OPCML: variants seen among roughly 807,000 people sequenced by gnomAD.
OPCML encodes opioid binding protein/cell adhesion molecule like.
In OPCML, 13 loss-of-function variants were observed where a neutral mutation model predicts 37.8. That is an observed-to-expected ratio of 0.34 (90% confidence interval 0.22 to 0.55). The LOEUF (loss-of-function observed/expected upper bound fraction) is 0.55, where lower values mean the gene tolerates loss of function less well. OPCML is among the 20% of genes least tolerant of loss of function. The pLI, the probability that OPCML is intolerant of heterozygous loss-of-function variation, is 0.91. For synonymous variants in OPCML, 176 were observed against 168.8 expected, an observed-to-expected ratio of 1.04 and a Z score of -0.33; for missense variants, 341 against 435.6, an observed-to-expected ratio of 0.78 and a Z score of 1.93.
chr11:132,841,197 G>A (rs192913493), intron 2 of OPCML, among the ~76,000 whole-genome samples: 20 of 152,296 alleles, frequency 1.3e-4, no homozygotes, highest in African/African-American at 4.6e-4. Flanking sequence ...CTGTGCTAGG[G>A]TGAGAGTACT....
chr11:133,491,552 A>G (rs1947659160), intron 1 of OPCML, among the ~76,000 whole-genome samples: 1 of 152,066 alleles, frequency 6.6e-6, no homozygotes, highest in Non-Finnish European at 1.5e-5. Context: ...TATTTCCACT[A>G]AGGACATCAG....
At chr11:132,953,483 C>T (rs76825175) in intron 1 of OPCML, among the ~76,000 whole-genome samples, 1 of 152,028 alleles carries the variant, frequency 6.6e-6, no homozygotes, top group Non-Finnish European at 1.5e-5. Context: ...CCGATTTCCG[C>T]AAGCCATACG....
At chr11:133,151,654 C>A (rs748085845) in intron 1 of OPCML, among the ~76,000 whole-genome samples, 4 of 152,080 alleles carry the variant, frequency 2.6e-5, no homozygotes, top group Non-Finnish European at 4.4e-5. Flanking sequence ...TGCTGGCAGC[C>A]CAAGCCCTGA....
intron 1 of OPCML, among the ~76,000 whole-genome samples, chr11:133,154,630 C>A (rs1480489648): frequency 2.0e-5 from 3 of 151,832 alleles, no homozygotes; most frequent in Non-Finnish European, 4.4e-5. Flanking sequence ...TACAGAGGAA[C>A]ACCACTTATT....
chr11:133,349,471 G>A (rs1427641618), intron 1 of OPCML, among the ~76,000 whole-genome samples: 1 of 152,158 alleles, frequency 6.6e-6, no homozygotes, highest in Non-Finnish European at 1.5e-5. Flanking sequence ...AAGTTTAGGT[G>A]AGCAGAAATC....
chr11:132,440,152 G>C (rs1470917774), intron 4 of OPCML, among the ~76,000 whole-genome samples: 1 of 152,166 alleles, frequency 6.6e-6, no homozygotes, highest in Non-Finnish European at 1.5e-5. Context: ...TTCACTGTCT[G>C]TGATGCTGTT....
intron 2 of OPCML, among the ~76,000 whole-genome samples, chr11:132,835,168 A>C (rs1025967873): frequency 2.0e-5 from 3 of 152,168 alleles, no homozygotes; most frequent in African/African-American, 7.2e-5. Context: ...ATGATGGCAT[A>C]TTCACTGCCA....
intron 1 of OPCML, among the ~76,000 whole-genome samples, chr11:133,256,485 T>C (rs906198262): frequency 6.6e-6 from 1 of 152,370 alleles, no homozygotes; most frequent in East Asian, 1.9e-4. Flanking sequence ...ACCTTTGCTA[T>C]GATTATTCCT....
chr11:133,228,605 G>A (rs1348383699), intron 1 of OPCML, among the ~76,000 whole-genome samples: 1 of 152,190 alleles, frequency 6.6e-6, no homozygotes, highest in Non-Finnish European at 1.5e-5. Flanking sequence ...GGGCCTCCCC[G>A]TCCTAGAGCT....
chr11:132,951,317 GC>G (rs1945855610), intron 1 of OPCML, among the ~76,000 whole-genome samples: 1 of 152,216 alleles, frequency 6.6e-6, no homozygotes, highest in African/African-American at 2.4e-5. Context: ...AGATCAGGGT[GC>G]CAGCGTGAAC....
chr11:132,662,628 G>T (rs1565756695), intron 2 of OPCML, among the ~76,000 whole-genome samples: 1 of 152,216 alleles, frequency 6.6e-6, no homozygotes, highest in Admixed American at 6.5e-5. Flanking sequence ...AGAAGGTAAG[G>T]AATGGAGAGT....
chr11:132,767,661 A>G (rs1946497393), intron 2 of OPCML, among the ~76,000 whole-genome samples: 1 of 152,166 alleles, frequency 6.6e-6, no homozygotes, highest in Admixed American at 6.5e-5. Flanking sequence ...ATCATTTCCA[A>G]ACTCTGTGCT....
chr11:132,956,194 C>G (rs1390531879), intron 1 of OPCML, among the ~76,000 whole-genome samples: 2 of 151,922 alleles, frequency 1.3e-5, no homozygotes, highest in Admixed American at 6.6e-5. Context: ...TGTTTTGTGC[C>G]CATACACTAC....
chr11:133,247,038 G>C, intron 1 of OPCML, among the ~76,000 whole-genome samples: 1 of 152,070 alleles, frequency 6.6e-6, no homozygotes, highest in South Asian at 2.1e-4. Context: ...GAGAAGATGA[G>C]ATCAGCTTTT....
intron 1 of OPCML, among the ~76,000 whole-genome samples, chr11:133,240,788 C>G (rs148242231): frequency 1.2e-3 from 188 of 152,316 alleles, no homozygotes; most frequent in African/African-American, 4.3e-3. Flanking sequence ...TCTCCTTAGG[C>G]AACAAATATC....
chr11:133,179,739 T>C (rs980750144), intron 1 of OPCML, among the ~76,000 whole-genome samples: 1 of 152,114 alleles, frequency 6.6e-6, no homozygotes. Flanking sequence ...AAACAAGATG[T>C]TGGAACTACA....
chr11:133,035,092 G>A (rs946667540), intron 1 of OPCML, among the ~76,000 whole-genome samples: 1 of 152,164 alleles, frequency 6.6e-6, no homozygotes, highest in Non-Finnish European at 1.5e-5. Context: ...CCTTTAATAA[G>A]CATTATCCCT....
At chr11:133,005,656 C>T in intron 1 of OPCML, 1 of 976,150 alleles carries the variant, frequency 1.0e-6, no homozygotes, top group Non-Finnish European at 1.2e-6. Context: ...GAAAAAAAAA[C>T]TGTTATGCAT....
intron 1 of OPCML, among the ~76,000 whole-genome samples, chr11:133,134,847 G>A (rs1489661394): frequency 6.6e-6 from 1 of 152,186 alleles, no homozygotes; most frequent in Non-Finnish European, 1.5e-5. Flanking sequence ...GGAAACACCA[G>A]TAAGGTTCCT....
Sources: allele counts gnomAD v4.1 joint callset (sites outside exome capture counted in the v4.1 genomes callset), GRCh38; gene constraint gnomAD v4.1.1; transcripts MANE v1.5; gene names NCBI Gene and HGNC (gene_info 2026-07-23, HGNC 2026-07-21).